The following WDR27 variants were observed in gnomAD, a reference collection of about 807,000 sequenced individuals.
WDR27 encodes WD repeat-containing protein 27.
A neutral mutation model predicts 114.4 loss-of-function variants in WDR27; 100 were observed. That is an observed-to-expected ratio of 0.87 (90% CI 0.74 to 1.03). The LOEUF (loss-of-function observed/expected upper bound fraction) is 1.03, where lower values mean the gene tolerates loss of function less well. WDR27 is among the 50% of genes least tolerant of loss of function. The pLI, the probability that WDR27 is intolerant of heterozygous loss-of-function variation, is 0.00. For missense variants in WDR27, 1,129 were observed against 1,092.9 expected (o/e 1.03, Z -0.47); for synonymous variants, 449 against 423.1 (o/e 1.06, Z -0.75).
intron 24 of WDR27, 114 bp downstream of exon 24, chr6:169,582,722 G>C (rs1381748545): frequency 4.2e-6 from 3 of 712,046 alleles, no homozygotes; most frequent in African/African-American, 1.8e-5. Flanking sequence ...GTGAACACTG[G>C]CATGTAACCT....
Position 169,701,760 on chromosome 6 carries a change from G to A in WDR27, c.-217C>T, listed in dbSNP as rs576077960. 119 of 261,740 alleles carry A rather than the reference G, an allele frequency of 4.5e-4. No individual in the cohort carries two copies. The highest frequency in any genetic ancestry group is 3.9e-3 in the South Asian group (114 of 29,126). The allele number at this position is 261,740 out of a possible 1,614,324, so 16.2% of individuals were successfully genotyped here. On this transcript the variant is annotated 5_prime_UTR_variant, in exon 1 of 26. Coordinates refer to ENST00000448612, the MANE Select transcript of WDR27 (RefSeq NM_182552.5). ...GTGTCCGCCGTTGGAAGCGGTCACG[G>A]CGGAACCCTCAAATCGCCCCCTTTC...
intron 23 of WDR27, among the ~76,000 whole-genome samples, chr6:169,598,753 C>T (rs1807339926): frequency 6.6e-6 from 1 of 152,302 alleles, no homozygotes; most frequent in South Asian, 2.1e-4. Flanking sequence ...GGGGTTCCTC[C>T]CTTGGACCCT....
chr6:169,588,740 A>G (rs1185452266), intron 23 of WDR27, among the ~76,000 whole-genome samples: 1 of 152,256 alleles, frequency 6.6e-6, no homozygotes, highest in Non-Finnish European at 1.5e-5. Context: ...CTGCTGGTCC[A>G]GGGCACCCCA....
the WDR27 span, among the ~76,000 whole-genome samples, chr6:169,446,324 G>A: frequency 0.02 from 3,052 of 152,188 alleles, 64 homozygotes; most frequent in East Asian, 0.07. Flanking sequence ...TGAGTTAAAG[G>A]ACTCTGGAAG....
At chr6:169,486,370 C>A (rs1055629741) in intron 25 of WDR27, among the ~76,000 whole-genome samples, 2 of 152,190 alleles carry the variant, frequency 1.3e-5, no homozygotes, top group African/African-American at 4.8e-5. Flanking sequence ...GTGGGTCCCA[C>A]CCTAACTGCA....
rs41265371 is a variant in WDR27 at position 169,602,227 on chromosome 6, C to T, written c.2416G>A (p.Asp806Asn). ...AGTCAAACAGTACATACGTGTCTGT[C>T]CTCGGCCCCACAAGCCGCGAATCGT... ...CGRFAACGAEDRHAYVYEMGS... is the reference protein window; with the variant it reads ...CGRFAACGAENRHAYVYEMGS... Residue 806 changes from aspartate to asparagine, a missense_variant, in exon 23 of 26, where the codon GAC becomes AAC. By Grantham distance (23) the Asp-to-Asn change is conservative. Transcript: ENST00000448612. 8,245 of 1,555,518 alleles carry T rather than the reference C, an allele frequency of 5.3e-3. 29 individuals carry two copies. Among genetic ancestry groups the T allele is most frequent in the Non-Finnish European group, 6.3e-3 (7,267 of 1,148,148 alleles).
At chr6:169,515,382 G>A (rs1040639081) in intron 25 of WDR27, among the ~76,000 whole-genome samples, 1 of 152,110 alleles carries the variant, frequency 6.6e-6, no homozygotes, top group Non-Finnish European at 1.5e-5. Context: ...AATGAAAGCG[G>A]TAATGATCAT....
intron 25 of WDR27, among the ~76,000 whole-genome samples, chr6:169,484,702 C>T (rs1224617203): frequency 6.6e-6 from 1 of 152,100 alleles, no homozygotes; most frequent in Non-Finnish European, 1.5e-5. Flanking sequence ...CAAAAAAGAG[C>T]CTGAATAGCC....
intron 25 of WDR27, among the ~76,000 whole-genome samples, chr6:169,493,717 CATTTT>C (rs1309293759): frequency 3.3e-5 from 5 of 152,048 alleles, no homozygotes; most frequent in African/African-American, 9.7e-5. Flanking sequence ...ATCAAGAAGA[CATTTT>C]ATAAGAGCAA....
rs918068576 is a variant in WDR27, at chr6:169,701,988, C to T, written c.-445G>A. 10 of 411,590 alleles carry T rather than the reference C, an allele frequency of 2.4e-5. No homozygotes were observed. Among genetic ancestry groups the T allele is most frequent in the African/African-American group, 6.1e-5 (3 of 49,074 alleles). 25.5% of individuals were successfully genotyped at this position (411,590 alleles called of 1,614,324 possible). Reference sequence around the variant, plus strand: ...GCCACACTCCGCCCCACGCTCGCCGCTATGGTTACTTGCCAGCCGACCCAC... The same window carrying T: ...GCCACACTCCGCCCCACGCTCGCCGTTATGGTTACTTGCCAGCCGACCCAC... On this transcript the variant is annotated 5_prime_UTR_variant, in exon 1 of 26. Transcript: ENST00000448612.
intron 23 of WDR27, among the ~76,000 whole-genome samples, chr6:169,596,840 GATC>G (rs1461116977): frequency 6.6e-6 from 1 of 152,078 alleles, no homozygotes; most frequent in Non-Finnish European, 1.5e-5. Flanking sequence ...AAAGTGTCAT[GATC>G]ATCAATAATC....
intron 21 of WDR27, among the ~76,000 whole-genome samples, chr6:169,616,532 T>A (rs1461424296): frequency 6.6e-6 from 1 of 151,878 alleles, no homozygotes; most frequent in Non-Finnish European, 1.5e-5. Context: ...AAGATTACAA[T>A]CATAATGGTA....
intron 3 of WDR27, chr6:169,671,875 T>C (rs981748998): frequency 1.5e-4 from 24 of 158,618 alleles, no homozygotes; most frequent in South Asian, 1.3e-3. Context: ...CCACTGTGTC[T>C]CCAGCCTGAA....
chr6:169,602,244 G>GC lies in WDR27; in HGVS notation c.2398dup (p.Ala800GlyfsTer14). ...GTGTCTGTCCTCGGCCCCACAAGCCGCGAATCGTCCACAAGGACTGAAAGC... is the reference window on the plus strand; with the variant it reads ...GTGTCTGTCCTCGGCCCCACAAGCCGCCGAATCGTCCACAAGGACTGAAAGC... On this transcript the variant is annotated frameshift_variant, in exon 23 of 26. Coordinates refer to ENST00000448612, the MANE Select transcript of WDR27 (RefSeq NM_182552.5). LOFTEE classifies it high-confidence loss of function. 6.4e-7 allele frequency: 1 copy of GC among 1,561,124 alleles called. No homozygotes were observed. Among genetic ancestry groups the GC allele is most frequent in the Non-Finnish European group, 8.7e-7 (1 of 1,151,308 alleles).
chr6:169,591,305 A>G (rs908454927), intron 23 of WDR27, among the ~76,000 whole-genome samples: 6 of 152,166 alleles, frequency 3.9e-5, no homozygotes, highest in African/African-American at 1.2e-4. Context: ...TTGGGCCATG[A>G]TCTTCATCTG....
chr6:169,486,794 G>T (rs929444143), intron 25 of WDR27, among the ~76,000 whole-genome samples: 1 of 152,188 alleles, frequency 6.6e-6, no homozygotes, highest in Non-Finnish European at 1.5e-5. Flanking sequence ...CTGGCCAGAA[G>T]GCAAGTTTTT....
chr6:169,643,796 G>T lies in WDR27; in HGVS notation c.1658-10C>A, dbSNP rs371410779. The T allele has an allele frequency of 4.1e-4, 662 of 1,604,086 alleles. No homozygotes were observed. Among genetic ancestry groups the T allele is most frequent in the Non-Finnish European group, 5.2e-4 (617 of 1,175,330 alleles). ...AGCCACTGCCCATCTCCTGTTAAAA[G>T]AATTTTAAAAAAAGACTTCTTAGAA... On this transcript the variant is annotated splice_polypyrimidine_tract_variant and intron_variant, in intron 16 of 25. Coordinates refer to ENST00000448612, the MANE Select transcript of WDR27 (RefSeq NM_182552.5).
the WDR27 span, among the ~76,000 whole-genome samples, chr6:169,427,538 G>A: frequency 6.6e-6 from 1 of 152,204 alleles, no homozygotes; most frequent in Admixed American, 6.5e-5. Flanking sequence ...AGAGGGCTGG[G>A]AAGACAGTGT....
chr6:169,688,781 G>A (rs375502133), intron 2 of WDR27, 36 bp downstream of exon 2: 3 of 1,521,272 alleles, frequency 2.0e-6, no homozygotes, highest in Non-Finnish European at 2.7e-6. Flanking sequence ...CAAGGGCAAG[G>A]CCTTCATGAC....
Sources: gnomAD v4.1 joint callset for allele counts (sites outside exome capture counted in the v4.1 genomes callset) on GRCh38, gnomAD v4.1.1 for gene constraint, MANE v1.5 for transcripts, NCBI Gene and HGNC (gene_info 2026-07-23, HGNC 2026-07-21) for gene names.